The following NOCT variants were observed in gnomAD, a reference collection of about 807,000 sequenced individuals.
NOCT encodes the protein CCR4 carbon catabolite repression 4-like.
Under a neutral mutation model 35.0 loss-of-function variants are expected in NOCT, and 18 were observed. That is an observed-to-expected ratio of 0.51 (90% confidence interval 0.36 to 0.76). NOCT has a LOEUF of 0.76. Among genes scored for constraint, NOCT ranks in the 30% least tolerant of loss-of-function variants. The probability of loss-of-function intolerance (pLI) is 0.01; values close to 1 mark genes in which losing one functional copy is unlikely to be tolerated. For synonymous variants in NOCT, 235 were observed against 226.3 expected (o/e 1.04, Z -0.34); for missense variants, 479 against 541.0 (o/e 0.89, Z 1.14).
chr4:139,045,649 T>A lies in NOCT; in HGVS notation c.*175T>A. 1 of 495,106 alleles carries A rather than the reference T, an allele frequency of 2.0e-6. No homozygotes were observed. Among genetic ancestry groups the A allele is most frequent in the Non-Finnish European group, 3.5e-6 (1 of 284,980 alleles). The allele number at this position is 495,106 out of a possible 1,614,324, so 30.7% of individuals were successfully genotyped here. A position where few individuals can be genotyped will look rare whatever the true frequency, so the allele number is the denominator to read the frequency against. On this transcript the variant is annotated 3_prime_UTR_variant, in exon 3 of 3. Coordinates refer to ENST00000280614, the MANE Select transcript of NOCT (RefSeq NM_012118.4). ...CTCCTGCCTCAGCCTCCAGAGCAAC[T>A]GGGACAACAGGCGCCCGTCACCACG... is the stretch of plus-strand genomic sequence containing the variant.
Position 139,043,188 on chromosome 4 carries a change from T to C in NOCT, c.305T>C (p.Leu102Pro), listed in dbSNP as rs1252954589. The C allele has an allele frequency of 6.2e-7, 1 of 1,614,176 alleles. No individual in the cohort carries two copies. The highest frequency in any genetic ancestry group is 8.5e-7 in the Non-Finnish European group (1 of 1,180,024). Residue 102 changes from leucine (L) to proline (P), a missense_variant, in exon 2 of 3, where the codon CTG becomes CCG. By Grantham distance (98) the Leu-to-Pro change is moderately conservative. Transcript: ENST00000280614. Reference sequence around the variant, plus strand: ...TTGGTGTCACCTGACCCAGAGCATCTGGAGCCCATTGATCCTAAAGAGCTT... The same window carrying C: ...TTGGTGTCACCTGACCCAGAGCATCCGGAGCCCATTGATCCTAAAGAGCTT... ...EYLVSPDPEH[L>P]EPIDPKELLE...
intron 1 of NOCT, among the ~76,000 whole-genome samples, chr4:139,026,851 CTTTTTTTTTTCTTTTTTTTTTTTTT>C (rs1560730466): frequency 6.9e-6 from 1 of 143,976 alleles, no homozygotes; most frequent in African/African-American, 2.6e-5. Context: ...CATCCCTGGC[CTTTTTTTTTTCTTTTTTTTTTTTTT>C]TTTTTTTTTT....
At chr4:139,036,100 CAT>C (rs1267390471) in intron 1 of NOCT, among the ~76,000 whole-genome samples, 7 of 152,094 alleles carry the variant, frequency 4.6e-5, no homozygotes, top group Non-Finnish European at 5.9e-5. Context: ...TACACACACA[CAT>C]ATATATGTTT....
chr4:139,029,441 A>G (rs1726584730), intron 1 of NOCT, among the ~76,000 whole-genome samples: 1 of 152,162 alleles, frequency 6.6e-6, no homozygotes. Flanking sequence ...CCGCAGGCCG[A>G]ACTTCCTGGA....
chr4:139,019,065 T>A (rs1307027701), intron 1 of NOCT, among the ~76,000 whole-genome samples: 1 of 152,206 alleles, frequency 6.6e-6, no homozygotes, highest in Non-Finnish European at 1.5e-5. Flanking sequence ...TATTTTTATT[T>A]TTTTTGAGAC....
intron 1 of NOCT, among the ~76,000 whole-genome samples, chr4:139,026,721 T>C (rs1000016577): frequency 6.6e-6 from 1 of 151,334 alleles, no homozygotes; most frequent in Non-Finnish European, 1.5e-5. Flanking sequence ...CAACTAATTT[T>C]TGTATTTTTA....
Position 139,024,852 on chromosome 4 carries a change from C to T in NOCT, c.190+8681C>T, listed in dbSNP as rs570853882. ...CTGCTGAGCTCAAGTGATCGGCCCA[C>T]CCCGGCATCCCAGAATACTGGCATT... On this transcript the variant is annotated intron_variant, in intron 1 of 2. Transcript: ENST00000280614. Among the ~76,000 whole-genome samples the T allele has an allele frequency of 4.6e-5, 7 of 152,282 alleles. No individual in the cohort carries two copies. In the South Asian group the frequency reaches 1.2e-3, roughly 27 times the overall value.
chr4:139,044,198 A>G (rs1208467015), intron 2 of NOCT, among the ~76,000 whole-genome samples: 2 of 151,128 alleles, frequency 1.3e-5, no homozygotes, highest in African/African-American at 2.4e-5. Context: ...CTTTTTCCCT[A>G]AGTAGGAAAA....
In NOCT at chr4:139,045,666, G is replaced by A. The variant is rs866844114; in HGVS notation, c.*192G>A. ...AGAGCAACTGGGACAACAGGCGCCC[G>A]TCACCACGCCCAGCTAATTTTTTGT... On this transcript the variant is annotated 3_prime_UTR_variant, in exon 3 of 3. Transcript: ENST00000280614. The A allele has an allele frequency of 2.9e-4, 137 of 475,462 alleles. No individual in the cohort carries two copies. Among genetic ancestry groups the A allele is most frequent in the African/African-American group, 2.0e-3 (101 of 50,338 alleles). The allele number at this position is 475,462 out of a possible 1,614,324, so 29.5% of individuals were successfully genotyped here.
intron 1 of NOCT, among the ~76,000 whole-genome samples, chr4:139,017,568 C>T (rs773290155): frequency 6.6e-6 from 1 of 150,422 alleles, no homozygotes; most frequent in Non-Finnish European, 1.5e-5. Context: ...CGGTGGCTCA[C>T]GCCTGTAATC....
rs779370813 is a variant in NOCT at position 139,016,205 on chromosome 4, ACGGCCGCCAACGCG to A, written c.190+44_190+57del. 1.9e-5 allele frequency: 23 copies of A among 1,199,004 alleles called. No individual in the cohort carries two copies. In the South Asian group the frequency reaches 7.4e-4, roughly 39 times the overall value. 74.3% of individuals were successfully genotyped at this position (1,199,004 alleles called of 1,614,324 possible). A position where few individuals can be genotyped will look rare whatever the true frequency, so the allele number is the denominator to read the frequency against. On this transcript the variant is annotated intron_variant, in intron 1 of 2. Coordinates refer to ENST00000280614, the MANE Select transcript of NOCT (RefSeq NM_012118.4). Reference sequence around the variant, plus strand: ...ACCCCAGTTCCGGGCGGAGAACGCCACGGCCGCCAACGCGCGGCCGCCACCTGGAGACCGCGCGG... The same window carrying A: ...ACCCCAGTTCCGGGCGGAGAACGCCACGGCCGCCACCTGGAGACCGCGCGG...
At chr4:139,044,309 C>A (rs1726894308) in intron 2 of NOCT, among the ~76,000 whole-genome samples, 1 of 151,364 alleles carries the variant, frequency 6.6e-6, no homozygotes, top group African/African-American at 2.4e-5. Flanking sequence ...TTAAAAAAAC[C>A]AAAAAAATTT....
At chr4:139,031,868 A>G (rs1013241837) in intron 1 of NOCT, among the ~76,000 whole-genome samples, 8 of 151,822 alleles carry the variant, frequency 5.3e-5, no homozygotes, top group African/African-American at 1.5e-4. Context: ...GCCCGCCACC[A>G]CGCCCGGCTA....
chr4:139,016,108 T>A lies in NOCT; in HGVS notation c.127T>A (p.Ser43Thr), dbSNP rs1726292421. The A allele has an allele frequency of 7.6e-7, 1 of 1,319,456 alleles. No individual in the cohort carries two copies. The highest frequency in any genetic ancestry group is 3.2e-5 in the Admixed American group (1 of 31,640). The allele number at this position is 1,319,456 out of a possible 1,614,324, so 81.7% of individuals were successfully genotyped here. The change falls in exon 1 of 3, where the codon TCC becomes ACC. Residue 43 changes from serine to threonine, a missense_variant. Physicochemically the swap from Ser to Thr is moderately conservative, Grantham distance 58. Around this residue, in one of 2 missense-constraint regions of NOCT, gnomAD observed 265 missense variants for 257.0 expected, o/e 1.03. Coordinates refer to ENST00000280614, the MANE Select transcript of NOCT (RefSeq NM_012118.4). ...GCCGGCTGCTGTTCCCAGGCCCGCA[T>A]CCCCCCGGCTGCTGGCGGCGGCCTC... ...SPPAAVPRPA[S>T]PRLLAAASAA... is the part of the protein sequence containing the mutation.
intron 1 of NOCT, among the ~76,000 whole-genome samples, chr4:139,023,246 G>A (rs1324737632): frequency 1.3e-5 from 2 of 152,124 alleles, no homozygotes; most frequent in Non-Finnish European, 1.5e-5. Context: ...TGAGGTTCCA[G>A]TACTTAAACA....
chr4:139,044,387 T>C (rs1201137780), intron 2 of NOCT, among the ~76,000 whole-genome samples: 1 of 152,220 alleles, frequency 6.6e-6, no homozygotes, highest in African/African-American at 2.4e-5. Context: ...GCAGTTTCCT[T>C]AAGTAAGATC....
intron 1 of NOCT, among the ~76,000 whole-genome samples, chr4:139,033,557 C>T (rs972954111): frequency 5.4e-4 from 82 of 151,370 alleles, no homozygotes; most frequent in Middle Eastern, 3.5e-3. Flanking sequence ...TTCCCATCAT[C>T]CCAGCTGCTT....
intron 1 of NOCT, among the ~76,000 whole-genome samples, chr4:139,042,612 C>A (rs539190731): frequency 9.3e-4 from 141 of 152,224 alleles, no homozygotes; most frequent in Admixed American, 2.0e-3. Context: ...CTTTATTCTG[C>A]CTCTGTAGAA....
At chr4:139,032,991 G>A (rs939380675) in intron 1 of NOCT, among the ~76,000 whole-genome samples, 101 of 152,210 alleles carry the variant, frequency 6.6e-4, no homozygotes, top group African/African-American at 2.3e-3. Flanking sequence ...CTTGACCCTG[G>A]GGGGCGGAGG....
Sources: gnomAD v4.1 joint callset for allele counts (sites outside exome capture counted in the v4.1 genomes callset) on GRCh38, gnomAD v4.1.1 for gene constraint, gnomAD v4.1.1 regional missense constraint, MANE v1.5 for transcripts, NCBI Gene and HGNC (gene_info 2026-07-23, HGNC 2026-07-21) for gene names.